Variants in TFDP1 observed in about 807,000 individuals in gnomAD.
TFDP1 encodes the protein transcription factor Dp-1.
In TFDP1, 6 loss-of-function variants were observed where a neutral mutation model predicts 48.0. That is an observed-to-expected ratio of 0.13 (90% CI 0.07 to 0.25). The LOEUF (loss-of-function observed/expected upper bound fraction) is 0.25, where lower values mean the gene tolerates loss of function less well. Among genes scored for constraint, TFDP1 ranks in the 10% least tolerant of loss-of-function variants. The pLI, the probability that TFDP1 is intolerant of heterozygous loss-of-function variation, is 1.00. For synonymous variants in TFDP1, 201 were observed against 211.6 expected (o/e 0.95, Z 0.44); for missense variants, 335 against 543.0 (o/e 0.62, Z 3.81).
intron 3 of TFDP1, among the ~76,000 whole-genome samples, chr13:113,620,645 G>A (rs996643213): frequency 3.3e-5 from 5 of 152,206 alleles, no homozygotes; most frequent in East Asian, 3.8e-4. Flanking sequence ...GTATTACACC[G>A]TGTATATGTG....
chr13:113,616,709 T>C (rs760322003), intron 3 of TFDP1, among the ~76,000 whole-genome samples: 1 of 152,188 alleles, frequency 6.6e-6, no homozygotes, highest in Non-Finnish European at 1.5e-5. Context: ...GTTGCTTACG[T>C]AATTCCTCAC....
intron 1 of TFDP1, chr13:113,585,484 C>T (rs1387017521): frequency 2.5e-5 from 5 of 197,134 alleles, no homozygotes; most frequent in Admixed American, 5.7e-5. Context: ...GCCCTGGCTC[C>T]TGGGGCTCGG....
chr13:113,626,760 G>C (rs2049190168), intron 4 of TFDP1, among the ~76,000 whole-genome samples: 1 of 152,168 alleles, frequency 6.6e-6, no homozygotes, highest in Non-Finnish European at 1.5e-5. Context: ...TTTGATAAAA[G>C]CTAAAAATTC....
At chr13:113,595,882 A>T (rs1214577927) in intron 2 of TFDP1, among the ~76,000 whole-genome samples, 1 of 152,216 alleles carries the variant, frequency 6.6e-6, no homozygotes, top group East Asian at 1.9e-4. Flanking sequence ...GGATATCGAG[A>T]CCATCCTGGC....
intron 11 of TFDP1, among the ~76,000 whole-genome samples, chr13:113,638,473 A>C (rs1018060602): frequency 6.6e-6 from 1 of 150,960 alleles, no homozygotes; most frequent in Non-Finnish European, 1.5e-5. Flanking sequence ...ACGTGCTGCG[A>C]TCACAGTGCA....
chr13:113,631,277 T>C (rs2049329124), intron 4 of TFDP1, among the ~76,000 whole-genome samples: 2 of 152,152 alleles, frequency 1.3e-5, no homozygotes, highest in African/African-American at 4.8e-5. Context: ...TGCCGCCCCC[T>C]TCATTAAACT....
intron 3 of TFDP1, 66 bp downstream of exon 3, chr13:113,611,128 A>G: frequency 6.9e-7 from 1 of 1,450,260 alleles, no homozygotes; most frequent in Admixed American, 1.7e-5. Context: ...ATGTTTATGA[A>G]GCTGTTGACG....
At position 113,634,038 on chromosome 13, in the gene TFDP1, C is replaced by A. The variant is rs867057299; in HGVS notation, c.618+5C>A. On this transcript the variant is annotated splice_donor_5th_base_variant and intron_variant, in intron 7 of 11. Coordinates refer to ENST00000375370, the MANE Select transcript of TFDP1 (RefSeq NM_007111.5). Reference sequence around the variant, plus strand: ...CAGGAATGTCAGAACTTAGAGGTGCCCCTTCAGCCTTCCTTCAACCTTGAT... The same window carrying A: ...CAGGAATGTCAGAACTTAGAGGTGCACCTTCAGCCTTCCTTCAACCTTGAT... 8 of 1,614,142 alleles carry A rather than the reference C, an allele frequency of 5.0e-6. No individual in the cohort carries two copies. The East Asian group carries it at 1.6e-4, about 31-fold the overall frequency.
intron 2 of TFDP1, among the ~76,000 whole-genome samples, chr13:113,590,791 A>G (rs1242474612): frequency 6.6e-6 from 1 of 151,996 alleles, no homozygotes; most frequent in Non-Finnish European, 1.5e-5. Flanking sequence ...CAGGTGGATC[A>G]CAAGGTCAGG....
In TFDP1 at chr13:113,607,176, G is replaced by A. The variant is rs1479869073; in HGVS notation, c.13-3820G>A. 6.6e-6 allele frequency among the ~76,000 whole-genome samples: 1 copy of A among 152,258 alleles called. No homozygotes were observed. The highest frequency in any genetic ancestry group is 6.5e-5 in the Admixed American group (1 of 15,292). On this transcript the variant is annotated intron_variant, in intron 2 of 11. Coordinates refer to ENST00000375370, the MANE Select transcript of TFDP1 (RefSeq NM_007111.5). The surrounding 1 kb of genome is among the most constrained non-coding windows in gnomAD (Gnocchi z 5.2). ...GGCTGGCCCCTGACAGAGCCGTGCA[G>A]GCGGCAGCGGCAGCACTGTTGCTGC...
rs2048341355 is a variant in TFDP1 at position 113,598,688 on chromosome 13, T to TC, written c.13-12303dup. On this transcript the variant is annotated intron_variant, in intron 2 of 11. Coordinates refer to ENST00000375370, the MANE Select transcript of TFDP1 (RefSeq NM_007111.5). This position sits in a 1 kb window ranked among gnomAD's most constrained non-coding sequence, Gnocchi z 4.2. ...GTTGCCCTCCTGGGTGGAGTCTGCG[T>TC]CCCCCTTTCCTGGTCATTTAAGTTG... Among the ~76,000 whole-genome samples the TC allele has an allele frequency of 6.6e-6, 1 of 152,190 alleles. No individual in the cohort carries two copies. The highest frequency in any genetic ancestry group is 6.5e-5 in the Admixed American group (1 of 15,284).
chr13:113,596,405 C>T (rs1478105261), intron 2 of TFDP1, among the ~76,000 whole-genome samples: 3 of 152,182 alleles, frequency 2.0e-5, no homozygotes, highest in Non-Finnish European at 2.9e-5. Flanking sequence ...TTATCTGGAA[C>T]GATGCAGCAT....
chr13:113,594,618 C>T (rs757843903), intron 2 of TFDP1, among the ~76,000 whole-genome samples: 1 of 151,728 alleles, frequency 6.6e-6, no homozygotes, highest in African/African-American at 2.4e-5. Context: ...ACAGGTGTCC[C>T]GTGTGCTGGT....
At chr13:113,611,770 C>T (rs2140404762) in intron 3 of TFDP1, among the ~76,000 whole-genome samples, 1 of 152,288 alleles carries the variant, frequency 6.6e-6, no homozygotes, top group South Asian at 2.1e-4. Flanking sequence ...AGAGGCTGTG[C>T]TGTGTGGATC....
At chr13:113,595,998 T>C (rs187696808) in intron 2 of TFDP1, among the ~76,000 whole-genome samples, 4,133 of 152,118 alleles carry the variant, frequency 0.027, 78 homozygotes, top group Middle Eastern at 0.065. Context: ...AGGAGAATGG[T>C]GTGAACCCAG....
At position 113,640,153 on chromosome 13, in the gene TFDP1, C is replaced by T; in HGVS notation, c.1119C>T (p.Ala373=). 5 of 1,611,820 alleles carry T rather than the reference C, an allele frequency of 3.1e-6. No homozygotes were observed. Among genetic ancestry groups the T allele is most frequent in the Non-Finnish European group, 4.2e-6 (5 of 1,179,268 alleles). Residue 373 remains alanine (A), a synonymous_variant, in exon 12 of 12, where the codon GCC becomes GCT. Transcript: ENST00000375370. ...CCAACGGTGCAGATGGGATGCTGGC[C>T]ACAAGCTCCAATGGGTCTCAGTACA... The part of the protein sequence containing the change: ...DLTNGADGML[A]TSSNGSQYSG...
At chr13:113,630,310 A>T (rs2049301918) in intron 4 of TFDP1, among the ~76,000 whole-genome samples, 1 of 152,176 alleles carries the variant, frequency 6.6e-6, no homozygotes, top group African/African-American at 2.4e-5. Flanking sequence ...AGAAGGCCGC[A>T]CTCTGATGAG....
intron 3 of TFDP1, among the ~76,000 whole-genome samples, chr13:113,621,198 G>A (rs567040744): frequency 2.2e-4 from 34 of 152,368 alleles, no homozygotes; most frequent in Admixed American, 3.3e-4. Flanking sequence ...GGGTCCTGCA[G>A]CTCTGCGGAT....
At chr13:113,634,814 C>T (rs576552179) in intron 8 of TFDP1, among the ~76,000 whole-genome samples, 17 of 107,390 alleles carry the variant, frequency 1.6e-4, no homozygotes, top group South Asian at 6.1e-4. Flanking sequence ...TGTGTGTGTG[C>T]GTGCATGCAT....
Sources: gnomAD v4.1 joint callset for allele counts (sites outside exome capture counted in the v4.1 genomes callset) on GRCh38, gnomAD v4.1.1 for gene constraint, Gnocchi (gnomAD v3.1) non-coding constraint, MANE v1.5 for transcripts, NCBI Gene and HGNC (gene_info 2026-07-23, HGNC 2026-07-21) for gene names.